PTPRK: variants seen among roughly 807,000 people sequenced by gnomAD.
PTPRK encodes receptor-type tyrosine-protein phosphatase kappa.
PTPRK carries 75 observed loss-of-function variants against 178.0 expected under a neutral mutation model. The ratio of observed to expected loss-of-function variants is 0.42; its 90% CI spans 0.35 to 0.51. PTPRK has a LOEUF of 0.51. PTPRK is among the 20% of genes least tolerant of loss of function. PTPRK has a pLI of 0.02. For missense variants in PTPRK, 1,441 were observed against 1,797.8 expected, an observed-to-expected ratio of 0.80 and a Z score of 3.59; for synonymous variants, 637 against 620.6, an observed-to-expected ratio of 1.03 and a Z score of -0.39.
At chr6:127,973,855 T>C (rs1459183735) in intron 27 of PTPRK, 28 bp from the exon 28 acceptor site, 1 of 1,596,112 alleles carries the variant, frequency 6.3e-7, no homozygotes, top group Admixed American at 1.7e-5. Context: ...TTTATGTAAA[T>C]ACGCTGGGAC....
chr6:128,363,326 A>G (rs1835030726), intron 2 of PTPRK, among the ~76,000 whole-genome samples: 1 of 152,124 alleles, frequency 6.6e-6, no homozygotes, highest in African/African-American at 2.4e-5. Flanking sequence ...AAATGGTGCA[A>G]CCACAAAATG....
At chr6:128,245,886 C>T (rs889392604) in intron 3 of PTPRK, among the ~76,000 whole-genome samples, 1 of 152,194 alleles carries the variant, frequency 6.6e-6, no homozygotes, top group African/African-American at 2.4e-5. Context: ...CTGTATTATA[C>T]TCCAAGCCCT....
intron 3 of PTPRK, among the ~76,000 whole-genome samples, chr6:128,250,626 T>C (rs896764455): frequency 6.6e-6 from 1 of 152,200 alleles, no homozygotes; most frequent in Non-Finnish European, 1.5e-5. Context: ...AAGTTCTAGA[T>C]AATTTTCCCA....
chr6:127,998,964 T>C (rs918352758), intron 15 of PTPRK, 60 bp from the exon 16 acceptor site: 36 of 1,368,938 alleles, frequency 2.6e-5, no homozygotes, highest in Non-Finnish European at 3.1e-5. Context: ...GTTTAATATA[T>C]GTATCTATGC....
chr6:128,359,769 T>A (rs982469225), intron 2 of PTPRK, among the ~76,000 whole-genome samples: 19 of 151,296 alleles, frequency 1.3e-4, no homozygotes, highest in African/African-American at 3.9e-4. Flanking sequence ...AAAAAAAAAA[T>A]AATAAAATAA....
At chr6:128,106,531 A>C (rs1301534604) in intron 7 of PTPRK, among the ~76,000 whole-genome samples, 1 of 152,186 alleles carries the variant, frequency 6.6e-6, no homozygotes, top group East Asian at 1.9e-4. Context: ...CTTGAAAAAA[A>C]AAAGCACTAA....
At chr6:127,987,464 A>G (rs1252601775) in intron 21 of PTPRK, among the ~76,000 whole-genome samples, 1 of 151,924 alleles carries the variant, frequency 6.6e-6, no homozygotes, top group Non-Finnish European at 1.5e-5. Flanking sequence ...ATATATTCTG[A>G]GATATTTTGG....
chr6:128,225,399 G>T (rs1434152883), intron 5 of PTPRK, among the ~76,000 whole-genome samples: 1 of 152,106 alleles, frequency 6.6e-6, no homozygotes, highest in Admixed American at 6.6e-5. Flanking sequence ...AAGTGAATTT[G>T]CACAACTACG....
intron 11 of PTPRK, among the ~76,000 whole-genome samples, chr6:128,075,521 G>A (rs371185467): frequency 1.3e-5 from 2 of 151,904 alleles, no homozygotes; most frequent in South Asian, 4.1e-4. Flanking sequence ...TTCAGCTTTA[G>A]TACCACATTT....
intron 1 of PTPRK, among the ~76,000 whole-genome samples, chr6:128,423,933 T>C (rs985159859): frequency 5.9e-5 from 9 of 151,868 alleles, no homozygotes; most frequent in Non-Finnish European, 1.3e-4. Context: ...AAAAAAGGTT[T>C]ATTATGGCTG....
intron 13 of PTPRK, among the ~76,000 whole-genome samples, chr6:128,013,968 A>G (rs1779325853): frequency 6.6e-6 from 1 of 151,554 alleles, no homozygotes; most frequent in Admixed American, 6.6e-5. Context: ...ATTGCTGTTA[A>G]GGTAAAGCCC....
chr6:128,345,481 C>T (rs1314365138), intron 2 of PTPRK, among the ~76,000 whole-genome samples: 2 of 152,196 alleles, frequency 1.3e-5, no homozygotes, highest in Non-Finnish European at 2.9e-5. Flanking sequence ...ATACCCTGTA[C>T]TACTTCAAAC....
chr6:128,427,703 A>C (rs1844325104), intron 1 of PTPRK, among the ~76,000 whole-genome samples: 1 of 152,204 alleles, frequency 6.6e-6, no homozygotes, highest in South Asian at 2.1e-4. Flanking sequence ...GATGACTGCC[A>C]CACCAGAAGT....
intron 3 of PTPRK, among the ~76,000 whole-genome samples, chr6:128,300,396 C>A (rs1825372626): frequency 6.6e-6 from 1 of 152,018 alleles, no homozygotes; most frequent in Non-Finnish European, 1.5e-5. Flanking sequence ...GACTATAAAT[C>A]ATGCTGCTAT....
At chr6:128,275,619 T>C (rs1017548565) in intron 3 of PTPRK, among the ~76,000 whole-genome samples, 1 of 152,070 alleles carries the variant, frequency 6.6e-6, no homozygotes, top group Non-Finnish European at 1.5e-5. Context: ...AAGTTCTTAA[T>C]GTTCGTATTT....
chr6:128,382,814 T>C (rs752741582), intron 2 of PTPRK, among the ~76,000 whole-genome samples: 3 of 152,162 alleles, frequency 2.0e-5, no homozygotes, highest in Middle Eastern at 3.2e-3. Context: ...TTGGGACCTA[T>C]AGGTGTCCAC....
chr6:128,070,623 C>T (rs1041607657), intron 11 of PTPRK, among the ~76,000 whole-genome samples: 1 of 151,866 alleles, frequency 6.6e-6, no homozygotes, highest in African/African-American at 2.4e-5. Flanking sequence ...AGATGGAACG[C>T]TAGTTGGAGA....
chr6:128,001,118 T>C, intron 15 of PTPRK: 1 of 1,209,198 alleles, frequency 8.3e-7, no homozygotes, highest in Non-Finnish European at 1.2e-6. Flanking sequence ...TCATTATCCT[T>C]ATTATACATT....
chr6:128,181,316 T>C (rs975960985), intron 7 of PTPRK, among the ~76,000 whole-genome samples: 78 of 152,200 alleles, frequency 5.1e-4, no homozygotes, highest in African/African-American at 1.8e-3. Flanking sequence ...CAGTAAATTG[T>C]AAGTAATTTA....
Sources: gnomAD v4.1 joint callset for allele counts (sites outside exome capture counted in the v4.1 genomes callset) on GRCh38, gnomAD v4.1.1 for gene constraint, MANE v1.5 for transcripts, NCBI Gene and HGNC (gene_info 2026-07-23, HGNC 2026-07-21) for gene names.